Variants in PTPRT observed in about 807,000 individuals in gnomAD.
PTPRT encodes the protein receptor-type tyrosine-protein phosphatase T.
In PTPRT, 56 loss-of-function variants were observed where a neutral mutation model predicts 176.8. That is an observed-to-expected ratio of 0.32 (90% CI 0.26 to 0.40). PTPRT has a LOEUF of 0.40. Among genes scored for constraint, PTPRT ranks in the 10% least tolerant of loss-of-function variants. The probability of loss-of-function intolerance (pLI) is 1.00; values close to 1 mark genes in which losing one functional copy is unlikely to be tolerated. For synonymous variants in PTPRT, 783 were observed against 739.0 expected (o/e 1.06, Z -0.96); for missense variants, 1,540 against 1,908.2 (o/e 0.81, Z 3.60).
At chr20:42,486,711 C>T (rs1279097445) in intron 7 of PTPRT, among the ~76,000 whole-genome samples, 1 of 151,750 alleles carries the variant, frequency 6.6e-6, no homozygotes, top group Non-Finnish European at 1.5e-5. Context: ...AGGCATGGCT[C>T]CAGGCTATGA....
chr20:42,492,051 G>C (rs1037503578), intron 7 of PTPRT, among the ~76,000 whole-genome samples: 13 of 152,274 alleles, frequency 8.5e-5, no homozygotes, highest in African/African-American at 2.6e-4. Flanking sequence ...AGTATATCAT[G>C]CTATAGGTGT....
chr20:42,542,392 A>T (rs553938150), intron 7 of PTPRT, among the ~76,000 whole-genome samples: 31 of 146,874 alleles, frequency 2.1e-4, no homozygotes, highest in African/African-American at 7.3e-4. Context: ...GATAGTTTCC[A>T]GGGGGAAAAA....
At chr20:42,310,875 A>G (rs1466940872) in intron 12 of PTPRT, among the ~76,000 whole-genome samples, 2 of 152,210 alleles carry the variant, frequency 1.3e-5, no homozygotes, top group Non-Finnish European at 2.9e-5. Context: ...TCCCAACACA[A>G]GTGCCTGTGA....
chr20:42,500,925 A>C (rs6030288), intron 7 of PTPRT, among the ~76,000 whole-genome samples: 50 of 152,222 alleles, frequency 3.3e-4, no homozygotes, highest in African/African-American at 1.2e-3. Flanking sequence ...CAATGAACCC[A>C]AAATTGCCTT....
At chr20:42,944,989 T>C (rs1980787197) in intron 1 of PTPRT, among the ~76,000 whole-genome samples, 1 of 151,622 alleles carries the variant, frequency 6.6e-6, no homozygotes, top group Non-Finnish European at 1.5e-5. Context: ...ATGGATAAAA[T>C]GAATATTCAC....
At position 42,161,218 on chromosome 20, in the gene PTPRT, T is replaced by A. The variant is rs959897262; in HGVS notation, c.2682+134A>T. 1.6e-5 allele frequency: 15 copies of A among 929,180 alleles called. No individual in the cohort carries two copies. The Admixed American group carries it at 3.1e-4, about 19-fold the overall frequency. 57.6% of individuals were successfully genotyped at this position (929,180 alleles called of 1,614,324 possible). A position where few individuals can be genotyped will look rare whatever the true frequency, so the allele number is the denominator to read the frequency against. Reference sequence around the variant, plus strand: ...CAGTAGGGAGGGATGGGGCCTGAGATGTTGCATTTCCTACACGCTCCCAGG... The same window carrying A: ...CAGTAGGGAGGGATGGGGCCTGAGAAGTTGCATTTCCTACACGCTCCCAGG... On this transcript the variant is annotated intron_variant, in intron 17 of 30. Transcript: ENST00000373187.
At chr20:43,160,673 T>C (rs1327626738) in intron 1 of PTPRT, among the ~76,000 whole-genome samples, 1 of 152,176 alleles carries the variant, frequency 6.6e-6, no homozygotes, top group Non-Finnish European at 1.5e-5. Flanking sequence ...GAATATTTTT[T>C]TTTTAATCTA....
intron 7 of PTPRT, among the ~76,000 whole-genome samples, chr20:42,666,351 T>A (rs2146022708): frequency 1.3e-5 from 2 of 151,836 alleles, no homozygotes; most frequent in East Asian, 1.9e-4. Context: ...ATTAAAAAAA[T>A]ATACTTTCAT....
At chr20:42,731,963 T>C (rs1195697224) in intron 6 of PTPRT, among the ~76,000 whole-genome samples, 1 of 152,226 alleles carries the variant, frequency 6.6e-6, no homozygotes, top group Non-Finnish European at 1.5e-5. Flanking sequence ...AAGCTTCTCT[T>C]GTCCACTTAC....
At chr20:42,446,236 T>C (rs1182241422) in intron 9 of PTPRT, among the ~76,000 whole-genome samples, 1 of 152,148 alleles carries the variant, frequency 6.6e-6, no homozygotes, top group South Asian at 2.1e-4. Flanking sequence ...ATCAATCCAG[T>C]GCAAAATTAG....
chr20:42,836,570 G>A (rs749963419), intron 2 of PTPRT, among the ~76,000 whole-genome samples: 3 of 152,242 alleles, frequency 2.0e-5, no homozygotes, highest in African/African-American at 2.4e-5. Context: ...AGACCTGGAC[G>A]CAGGCCAACA....
At chr20:42,661,868 C>A (rs1258752106) in intron 7 of PTPRT, among the ~76,000 whole-genome samples, 1 of 152,202 alleles carries the variant, frequency 6.6e-6, no homozygotes, top group Non-Finnish European at 1.5e-5. Flanking sequence ...GGGCTCACTG[C>A]TCAGGATAAC....
At chr20:42,932,981 G>T (rs565061786) in intron 1 of PTPRT, among the ~76,000 whole-genome samples, 1 of 152,088 alleles carries the variant, frequency 6.6e-6, no homozygotes, top group Non-Finnish European at 1.5e-5. Context: ...CTCCTCTATA[G>T]GGATCCTTCC....
At chr20:42,184,518 CCTT>C (rs1451231166) in intron 16 of PTPRT, among the ~76,000 whole-genome samples, 33 of 54,396 alleles carry the variant, frequency 6.1e-4, no homozygotes, top group Admixed American at 5.0e-3. Flanking sequence ...TCCTCCTCCT[CCTT>C]CTTCTTCTTC....
intron 1 of PTPRT, among the ~76,000 whole-genome samples, chr20:43,161,400 G>A (rs897082143): frequency 2.6e-5 from 4 of 151,906 alleles, no homozygotes; most frequent in Non-Finnish European, 4.4e-5. Flanking sequence ...GAAGTTATAC[G>A]GTCATTAATA....
At chr20:42,555,141 C>T (rs2072837494) in intron 7 of PTPRT, among the ~76,000 whole-genome samples, 1 of 152,186 alleles carries the variant, frequency 6.6e-6, no homozygotes, top group African/African-American at 2.4e-5. Flanking sequence ...ATTGCTGCTA[C>T]ACTCCTGGGG....
intron 7 of PTPRT, among the ~76,000 whole-genome samples, chr20:42,484,378 C>T (rs532848379): frequency 5.2e-4 from 79 of 152,310 alleles, no homozygotes; most frequent in African/African-American, 1.8e-3. Context: ...TACAATTACT[C>T]CCTAAAAGGA....
At chr20:42,333,985 T>G (rs569127617) in intron 11 of PTPRT, among the ~76,000 whole-genome samples, 1 of 152,218 alleles carries the variant, frequency 6.6e-6, no homozygotes, top group Non-Finnish European at 1.5e-5. Context: ...CCGGCTTGAA[T>G]TTGGCTTTAA....
At chr20:42,707,181 GTTTTT>G (rs541904233) in intron 6 of PTPRT, among the ~76,000 whole-genome samples, 1 of 151,838 alleles carries the variant, frequency 6.6e-6, no homozygotes, top group South Asian at 2.1e-4. Context: ...TTTGTTTGTT[GTTTTT>G]TTTGCCACAC....
Sources: allele counts gnomAD v4.1 joint callset (sites outside exome capture counted in the v4.1 genomes callset), GRCh38; gene constraint gnomAD v4.1.1; transcripts MANE v1.5; gene names NCBI Gene and HGNC (gene_info 2026-07-23, HGNC 2026-07-21).